UBE2G1: variants seen among roughly 807,000 people sequenced by gnomAD.
UBE2G1 encodes ubiquitin-conjugating enzyme E2 G1.
In UBE2G1, 5 loss-of-function variants were observed where a neutral mutation model predicts 22.7. The observed-to-expected ratio is 0.22, with a 90% CI of 0.12 to 0.46. The LOEUF (loss-of-function observed/expected upper bound fraction) is 0.46. UBE2G1 is among the 20% of genes least tolerant of loss of function. UBE2G1 has a pLI of 0.99. For missense variants in UBE2G1, 88 were observed against 203.9 expected, an observed-to-expected ratio of 0.43 and a Z score of 3.46; for synonymous variants, 74 against 67.5, an observed-to-expected ratio of 1.10 and a Z score of -0.47.
chr17:4,347,052 CGGAGGCAGGAGGATCGCTTGAGCCCA>C (rs1190850662), intron 1 of UBE2G1, among the ~76,000 whole-genome samples: 1 of 151,868 alleles, frequency 6.6e-6, no homozygotes, highest in Non-Finnish European at 1.5e-5. Flanking sequence ...ACTCAGGAGG[CGGAGGCAGGAGGATCGCTTGAGCCCA>C]GGAGGCGGAG....
At chr17:4,324,461 C>A (rs1233588351) in intron 1 of UBE2G1, among the ~76,000 whole-genome samples, 1 of 152,164 alleles carries the variant, frequency 6.6e-6, no homozygotes, top group Non-Finnish European at 1.5e-5. Context: ...TTTTACATTT[C>A]TAAATGTGGT....
chr17:4,329,109 G>GAAAAAAAAAAAAAAAAA, intron 1 of UBE2G1, among the ~76,000 whole-genome samples: 1 of 91,760 alleles, frequency 1.1e-5, no homozygotes, highest in Non-Finnish European at 2.1e-5. Context: ...GTCTCAAAAA[G>GAAAAAAAAAAAAAAAAA]AAAAAAAAAA....
At chr17:4,294,952 G>C (rs563977465) in intron 3 of UBE2G1, among the ~76,000 whole-genome samples, 1 of 151,286 alleles carries the variant, frequency 6.6e-6, no homozygotes, top group African/African-American at 2.4e-5. Flanking sequence ...GGGAGGGAGC[G>C]AGAGAGGGAG....
At chr17:4,288,648 T>G (rs1300667804) in intron 4 of UBE2G1, among the ~76,000 whole-genome samples, 1 of 152,180 alleles carries the variant, frequency 6.6e-6, no homozygotes, top group African/African-American at 2.4e-5. Flanking sequence ...AAAATCTGAT[T>G]GCATTGAAAA....
At chr17:4,288,847 T>C (rs1042824190) in intron 4 of UBE2G1, among the ~76,000 whole-genome samples, 18 of 152,168 alleles carry the variant, frequency 1.2e-4, no homozygotes, top group Admixed American at 1.1e-3. Flanking sequence ...CCACAACATA[T>C]CCATATTTCA....
At chr17:4,326,414 A>G (rs1198695085) in intron 1 of UBE2G1, among the ~76,000 whole-genome samples, 1 of 152,240 alleles carries the variant, frequency 6.6e-6, no homozygotes, top group African/African-American at 2.4e-5. Flanking sequence ...AATTGCTATT[A>G]AACACACACA....
chr17:4,300,642 T>C (rs1969166576), intron 2 of UBE2G1, among the ~76,000 whole-genome samples: 1 of 151,856 alleles, frequency 6.6e-6, no homozygotes, highest in Non-Finnish European at 1.5e-5. Context: ...TCACAGATGC[T>C]ATAGTATAAG....
chr17:4,315,936 T>G (rs1360851097), intron 1 of UBE2G1, among the ~76,000 whole-genome samples: 1 of 148,006 alleles, frequency 6.8e-6, no homozygotes, highest in Non-Finnish European at 1.5e-5. Context: ...CCTCTCCGAG[T>G]AGCTGGGACT....
rs546420716 is a variant in UBE2G1 at position 4,302,047 on chromosome 17, A to G, written c.149+4974T>C. 4.7e-3 allele frequency: 2,289 copies of G among 491,098 alleles called. 34 individuals carry two copies. The highest frequency in any genetic ancestry group is 0.027 in the Admixed American group (1,226 of 44,642). The allele number at this position is 491,098 out of a possible 1,614,324, so 30.4% of individuals were successfully genotyped here. A position where few individuals can be genotyped will look rare whatever the true frequency, so the allele number is the denominator to read the frequency against. ...CATAAAGAACAACAACAACAAAAAA[A>G]GGGGGGGGAAGTTTTTACATTAACT... On this transcript the variant is annotated intron_variant, in intron 2 of 5. Transcript: ENST00000396981.
Position 4,288,399 on chromosome 17 carries a change from C to T in UBE2G1, c.426+831G>A, listed in dbSNP as rs181230689. Among the ~76,000 whole-genome samples the T allele has an allele frequency of 7.6e-4, 115 of 152,062 alleles. 3 individuals carry two copies. The East Asian group carries it at 0.015, about 20-fold the overall frequency. On this transcript the variant is annotated intron_variant, in intron 4 of 5. Transcript: ENST00000396981. ...CCGCCACCACGCCCGGCTAATTTTT[C>T]GTATTTTTAATGGAGACGGGGTTTC...
At chr17:4,308,263 A>G (rs1444071411) in intron 1 of UBE2G1, among the ~76,000 whole-genome samples, 1 of 152,104 alleles carries the variant, frequency 6.6e-6, no homozygotes. Context: ...TGAGGCAGAA[A>G]AACTGATTGA....
At chr17:4,310,021 T>C (rs1396364938) in intron 1 of UBE2G1, among the ~76,000 whole-genome samples, 1 of 152,180 alleles carries the variant, frequency 6.6e-6, no homozygotes, top group Admixed American at 6.5e-5. Context: ...TGTTGAAAAA[T>C]GTCCAATGTC....
intron 1 of UBE2G1, among the ~76,000 whole-genome samples, chr17:4,354,217 G>C (rs1461097798): frequency 6.6e-6 from 1 of 152,086 alleles, no homozygotes; most frequent in Non-Finnish European, 1.5e-5. Flanking sequence ...CCATGAACCA[G>C]ACTGGTAGAA....
chr17:4,299,866 G>A (rs138784373), intron 2 of UBE2G1, among the ~76,000 whole-genome samples: 1,647 of 138,922 alleles, frequency 0.012, 35 homozygotes, highest in African/African-American at 0.042. Context: ...TTGCTCTGTC[G>A]CCCAGGCTGG....
At chr17:4,297,679 T>C (rs1161159678) in intron 2 of UBE2G1, among the ~76,000 whole-genome samples, 1 of 152,212 alleles carries the variant, frequency 6.6e-6, no homozygotes, top group African/African-American at 2.4e-5. Context: ...GGAAATACTT[T>C]TCTCCCTTTG....
At chr17:4,292,870 T>G (rs1282966954) in intron 3 of UBE2G1, among the ~76,000 whole-genome samples, 12 of 152,200 alleles carry the variant, frequency 7.9e-5, no homozygotes, top group Non-Finnish European at 1.6e-4. Context: ...CTGGACTGGT[T>G]TAACTAATTA....
intron 2 of UBE2G1, among the ~76,000 whole-genome samples, chr17:4,300,992 T>G (rs886744821): frequency 6.6e-6 from 1 of 152,088 alleles, no homozygotes; most frequent in African/African-American, 2.4e-5. Flanking sequence ...TTGAAAGTGT[T>G]TAAAAACCCA....
At chr17:4,348,717 T>A (rs905434475) in intron 1 of UBE2G1, among the ~76,000 whole-genome samples, 1 of 147,470 alleles carries the variant, frequency 6.8e-6, no homozygotes, top group Non-Finnish European at 1.5e-5. Context: ...AAAAATTAAC[T>A]AGGCATGGTG....
chr17:4,274,923 T>A (rs59077949), intron 5 of UBE2G1, among the ~76,000 whole-genome samples: 140,243 of 150,170 alleles, frequency 0.93, 65,807 homozygotes, highest in East Asian at 1. Context: ...CGGTGGCACA[T>A]GCCTGTGGGA....
Sources: allele counts gnomAD v4.1 joint callset (sites outside exome capture counted in the v4.1 genomes callset), GRCh38; gene constraint gnomAD v4.1.1; transcripts MANE v1.5; gene names NCBI Gene and HGNC (gene_info 2026-07-23, HGNC 2026-07-21).